Variants in U2SURP observed in about 807,000 individuals in gnomAD.
U2SURP encodes the protein U2 snRNP-associated SURP motif-containing protein.
U2SURP carries 9 observed loss-of-function variants against 144.9 expected under a neutral mutation model. That is an observed-to-expected ratio of 0.06 (90% CI 0.04 to 0.11). U2SURP has a LOEUF of 0.11. Among genes scored for constraint, U2SURP ranks in the 10% least tolerant of loss-of-function variants. The pLI, the probability that U2SURP is intolerant of heterozygous loss-of-function variation, is 1.00. For synonymous variants in U2SURP, 408 were observed against 396.8 expected (o/e 1.03, Z -0.33); for missense variants, 724 against 1,226.7 (o/e 0.59, Z 6.12).
rs1393176785 is a variant in U2SURP at position 143,056,599 on chromosome 3, A to G, written c.*149A>G. The G allele has an allele frequency of 1.3e-6, 1 of 792,414 alleles. No individual in the cohort carries two copies. Among genetic ancestry groups the G allele is most frequent in the Non-Finnish European group, 2.0e-6 (1 of 511,582 alleles). The allele number at this position is 792,414 out of a possible 1,614,324, so 49.1% of individuals were successfully genotyped here. A position where few individuals can be genotyped will look rare whatever the true frequency, so the allele number is the denominator to read the frequency against. Reference sequence around the variant, plus strand: ...GTATGCATGTGTAAACTCATGAGCAACTGCATCTGTAGATCTGTCATTGTT... The same window carrying G: ...GTATGCATGTGTAAACTCATGAGCAGCTGCATCTGTAGATCTGTCATTGTT... On this transcript the variant is annotated 3_prime_UTR_variant, in exon 28 of 28. Coordinates refer to ENST00000473835, the MANE Select transcript of U2SURP (RefSeq NM_001080415.2).
Position 143,026,191 on chromosome 3 carries a change from C to A in U2SURP, c.1275-958C>A, listed in dbSNP as rs942469681. On this transcript the variant is annotated intron_variant, in intron 13 of 27. Transcript: ENST00000473835. ...CAATGTCCAAAATTGTGTTTGGAGTCTAATAAAATATCACATGATTTTAGG... is the reference window on the plus strand; with the variant it reads ...CAATGTCCAAAATTGTGTTTGGAGTATAATAAAATATCACATGATTTTAGG... 2.0e-5 allele frequency: 3 copies of A among 152,094 alleles called. No homozygotes were observed. The South Asian group carries it at 6.2e-4, about 32-fold the overall frequency. The allele number at this position is 152,094 out of a possible 1,614,324, so 9.4% of individuals were successfully genotyped here. A position where few individuals can be genotyped will look rare whatever the true frequency, so the allele number is the denominator to read the frequency against.
At chr3:143,045,989 A>G (rs1183606063) in intron 24 of U2SURP, among the ~76,000 whole-genome samples, 1 of 152,184 alleles carries the variant, frequency 6.6e-6, no homozygotes, top group Admixed American at 6.5e-5. Flanking sequence ...TTGGATATCC[A>G]TTTCGAGATT....
At chr3:143,038,797 A>G in intron 22 of U2SURP, 97 bp from the exon 23 acceptor site, 1 of 869,886 alleles carries the variant, frequency 1.1e-6, no homozygotes, top group Non-Finnish European at 1.7e-6. Flanking sequence ...CTTCTGTAAT[A>G]TAAACTTTTC....
intron 1 of U2SURP, among the ~76,000 whole-genome samples, chr3:143,009,792 TATGGATC>T (rs1936030907): frequency 6.6e-6 from 1 of 152,176 alleles, no homozygotes; most frequent in African/African-American, 2.4e-5. Flanking sequence ...AACAATACTG[TATGGATC>T]TTTGCTCTTT....
chr3:143,022,697 A>G (rs1932905211), intron 11 of U2SURP, 35 bp downstream of exon 11: 2 of 1,574,310 alleles, frequency 1.3e-6, no homozygotes, highest in Non-Finnish European at 1.7e-6. Flanking sequence ...TATACAATTC[A>G]GATATTTCTT....
chr3:143,007,060 C>A (rs1348391853), intron 1 of U2SURP, among the ~76,000 whole-genome samples: 1 of 152,150 alleles, frequency 6.6e-6, no homozygotes, highest in Non-Finnish European at 1.5e-5. Context: ...TGTTCTCAGC[C>A]AGCAAGCTAT....
chr3:143,004,728 C>A (rs915718236), intron 1 of U2SURP, among the ~76,000 whole-genome samples: 4 of 152,032 alleles, frequency 2.6e-5, no homozygotes, highest in African/African-American at 7.3e-5. Context: ...GACCCCTGTG[C>A]ACTTTAATTT....
intron 5 of U2SURP, 26 bp from the exon 6 acceptor site, chr3:143,016,816 T>G: frequency 6.7e-7 from 1 of 1,501,710 alleles, no homozygotes; most frequent in Middle Eastern, 2.0e-4. Flanking sequence ...GAAATTAGTT[T>G]TGAAACTTAG....
chr3:143,030,453 A>G lies in U2SURP; in HGVS notation c.1610+1807A>G, dbSNP rs547742711. 2.6e-5 allele frequency among the ~76,000 whole-genome samples: 4 copies of G among 152,348 alleles called. No homozygotes were observed. In the South Asian group the frequency reaches 6.2e-4, roughly 24 times the overall value. ...ATGGTTTACTGAATATTTTAAGCCC[A>G]CTGTTGAGACCTGCTCAATAAAATG... On this transcript the variant is annotated intron_variant, in intron 16 of 27. Transcript: ENST00000473835.
intron 4 of U2SURP, among the ~76,000 whole-genome samples, 188 bp from the exon 5 acceptor site, chr3:143,016,069 G>A (rs1936359986): frequency 6.6e-6 from 1 of 152,024 alleles, no homozygotes; most frequent in Non-Finnish European, 1.5e-5. Flanking sequence ...GCCGGTAGAG[G>A]AGCAAAGCCT....
At chr3:143,031,698 T>C (rs1412280034) in intron 16 of U2SURP, among the ~76,000 whole-genome samples, 1 of 152,238 alleles carries the variant, frequency 6.6e-6, no homozygotes, top group Non-Finnish European at 1.5e-5. Context: ...TGATTGGCTA[T>C]ATTGTGATAT....
At chr3:143,009,907 TTG>T (rs1330708081) in intron 1 of U2SURP, among the ~76,000 whole-genome samples, 2 of 152,210 alleles carry the variant, frequency 1.3e-5, no homozygotes, top group African/African-American at 4.8e-5. Flanking sequence ...GGTGAGATAT[TTG>T]TGATCTCAAT....
rs1167280853 is a variant in U2SURP at position 143,016,696 on chromosome 3, G to C, written c.437-146G>C. ...AAATGATTAAATTAGCATTATTGAG[G>C]TGATATTTGAATTTAATTTCATATT... On this transcript the variant is annotated intron_variant, in intron 5 of 27. Transcript: ENST00000473835. 7 of 725,528 alleles carry C rather than the reference G, an allele frequency of 9.6e-6. No individual in the cohort carries two copies. In the African/African-American group the frequency reaches 1.3e-4, roughly 14 times the overall value. The allele number at this position is 725,528 out of a possible 1,614,324, so 44.9% of individuals were successfully genotyped here. A position where few individuals can be genotyped will look rare whatever the true frequency, so the allele number is the denominator to read the frequency against.
At chr3:143,026,222 G>C (rs1933138280) in intron 13 of U2SURP, 1 of 152,080 alleles carries the variant, frequency 6.6e-6, no homozygotes, top group African/African-American at 2.4e-5. Context: ...TTAGGACCCA[G>C]CTTCAGATAA....
intron 13 of U2SURP, among the ~76,000 whole-genome samples, chr3:143,025,473 G>C (rs1408510467): frequency 6.6e-6 from 1 of 152,048 alleles, no homozygotes; most frequent in Non-Finnish European, 1.5e-5. Flanking sequence ...TATAACATTT[G>C]TCCACCTAGT....
At chr3:143,041,881 T>C (rs913503068) in intron 23 of U2SURP, among the ~76,000 whole-genome samples, 2 of 152,064 alleles carry the variant, frequency 1.3e-5, no homozygotes, top group African/African-American at 4.8e-5. Context: ...ACATTGTTTG[T>C]AAGGAATTTT....
chr3:143,034,907 C>A lies in U2SURP; in HGVS notation c.1873C>A (p.Gln625Lys). The A allele has an allele frequency of 6.2e-7, 1 of 1,600,054 alleles. No homozygotes were observed. The highest frequency in any genetic ancestry group is 8.5e-7 in the Non-Finnish European group (1 of 1,171,714). ...YRKFFETKLC[Q>K]IFSDLNATYR... ...TTTCAGTTTTGAAACAAAGTTATGT[C>A]AGATATTTTCAGACCTCAATGCCAC... The change falls in exon 19 of 28, where the codon CAG becomes AAG. Residue 625 changes from glutamine (Q) to lysine (K), a missense_variant. Around this residue, in one of 13 missense-constraint regions of U2SURP, gnomAD observed 116 missense variants for 167.9 expected, o/e 0.69. Coordinates refer to ENST00000473835, the MANE Select transcript of U2SURP (RefSeq NM_001080415.2).
intron 24 of U2SURP, among the ~76,000 whole-genome samples, chr3:143,045,842 TCTC>T (rs1306476292): frequency 6.6e-6 from 1 of 152,196 alleles, no homozygotes; most frequent in African/African-American, 2.4e-5. Context: ...TATCTAATCT[TCTC>T]TTGTGTTTCC....
intron 13 of U2SURP, chr3:143,024,436 CT>C: frequency 2.4e-6 from 1 of 411,194 alleles, no homozygotes; most frequent in African/African-American, 2.1e-5. Flanking sequence ...TTGAGTTCTC[CT>C]TACTGAAGGC....
Sources: allele counts gnomAD v4.1 joint callset (sites outside exome capture counted in the v4.1 genomes callset), GRCh38; gene constraint gnomAD v4.1.1; regional missense constraint gnomAD v4.1.1; transcripts MANE v1.5; gene names NCBI Gene and HGNC (gene_info 2026-07-23, HGNC 2026-07-21).